CEP83: variants seen among roughly 807,000 people sequenced by gnomAD.
CEP83 encodes the protein centrosomal protein 83, also known as centrosomal protein of 83 kDa.
In CEP83, 70 loss-of-function variants were observed where a neutral mutation model predicts 101.9. The ratio of observed to expected loss-of-function variants is 0.69; its 90% CI spans 0.57 to 0.84. The LOEUF (loss-of-function observed/expected upper bound fraction) is 0.84, where lower values mean the gene tolerates loss of function less well. CEP83 is among the 40% of genes least tolerant of loss of function. The probability of loss-of-function intolerance (pLI) is 0.00; values close to 1 mark genes in which losing one functional copy is unlikely to be tolerated. For missense variants in CEP83, 715 were observed against 787.2 expected, an observed-to-expected ratio of 0.91 and a Z score of 1.10; for synonymous variants, 264 against 267.9, an observed-to-expected ratio of 0.99 and a Z score of 0.14.
chr12:94,398,556 T>C (rs936632873), intron 6 of CEP83, among the ~76,000 whole-genome samples: 3 of 152,202 alleles, frequency 2.0e-5, no homozygotes, highest in Admixed American at 2.0e-4. Context: ...ACTATAACTG[T>C]GTTAACTGTA....
intron 6 of CEP83, among the ~76,000 whole-genome samples, chr12:94,389,082 G>A (rs551175298): frequency 1.6e-4 from 24 of 152,246 alleles, no homozygotes; most frequent in Admixed American, 3.9e-4. Context: ...AGCCAAGATC[G>A]CGCCACTGCA....
intron 11 of CEP83, among the ~76,000 whole-genome samples, chr12:94,364,930 G>A (rs191190745): frequency 5.3e-5 from 8 of 152,224 alleles, no homozygotes; most frequent in African/African-American, 1.7e-4. Flanking sequence ...AAAAAGAAGT[G>A]AATTCCTCTT....
At chr12:94,408,664 C>T (rs1183790198) in intron 4 of CEP83, among the ~76,000 whole-genome samples, 1 of 152,064 alleles carries the variant, frequency 6.6e-6, no homozygotes, top group Non-Finnish European at 1.5e-5. Flanking sequence ...CCTGAAGCCT[C>T]AAACTCCTAG....
At chr12:94,313,631 G>A (rs947272211) in intron 14 of CEP83, among the ~76,000 whole-genome samples, 15 of 151,092 alleles carry the variant, frequency 9.9e-5, no homozygotes, top group Non-Finnish European at 1.9e-4. Context: ...AAGGTCAAGA[G>A]ATTGAGACCA....
downstream of CEP83, chr12:94,306,950 A>G (rs1323740447): frequency 6.6e-6 from 1 of 152,204 alleles, no homozygotes; most frequent in Admixed American, 6.6e-5. Context: ...GTCCCCATTG[A>G]AGGCTGCTAC....
At chr12:94,367,532 TAGACCAGAAGAA>T (rs1209728159) in intron 11 of CEP83, among the ~76,000 whole-genome samples, 1 of 152,188 alleles carries the variant, frequency 6.6e-6, no homozygotes, top group Non-Finnish European at 1.5e-5. Context: ...AATTGGGTTT[TAGACCAGAAGAA>T]AGACATCAGT....
chr12:94,365,833 A>T (rs1370811218), intron 11 of CEP83, among the ~76,000 whole-genome samples: 1 of 152,048 alleles, frequency 6.6e-6, no homozygotes, highest in Non-Finnish European at 1.5e-5. Context: ...CTATTTCACT[A>T]AACACTGATA....
intron 15 of CEP83, 77 bp downstream of exon 15, chr12:94,312,837 G>A (rs1970079076): frequency 5.7e-6 from 7 of 1,237,892 alleles, no homozygotes; most frequent in Non-Finnish European, 7.6e-6. Flanking sequence ...AAGAAAAGAA[G>A]GTACGTTATA....
intron 14 of CEP83, among the ~76,000 whole-genome samples, chr12:94,321,674 G>A (rs375230975): frequency 4.0e-5 from 6 of 151,762 alleles, no homozygotes; most frequent in East Asian, 3.9e-4. Context: ...TTGGGCATCC[G>A]TACCAGCCCC....
intron 11 of CEP83, among the ~76,000 whole-genome samples, chr12:94,347,068 T>TATATATACAC (rs561705061): frequency 4.1e-5 from 6 of 147,416 alleles, no homozygotes; most frequent in African/African-American, 9.9e-5. Context: ...TATATATATA[T>TATATATACAC]ACACATACAC....
chr12:94,277,516 C>T, the CEP83 span, among the ~76,000 whole-genome samples: 1 of 152,190 alleles, frequency 6.6e-6, no homozygotes, highest in East Asian at 1.9e-4. Context: ...TTGTTATGCC[C>T]TCTTTGCAGA....
intron 1 of CEP83, among the ~76,000 whole-genome samples, chr12:94,447,126 G>C (rs924736232): frequency 1.3e-5 from 2 of 152,172 alleles, no homozygotes; most frequent in African/African-American, 4.8e-5. Flanking sequence ...TTTTCAGATA[G>C]ATAACCAAAG....
the CEP83 span, among the ~76,000 whole-genome samples, chr12:94,294,215 T>G: frequency 6.6e-6 from 1 of 152,204 alleles, no homozygotes; most frequent in African/African-American, 2.4e-5. Flanking sequence ...CACAGGGTCC[T>G]GGCCTCCACC....
intron 6 of CEP83, among the ~76,000 whole-genome samples, chr12:94,389,366 C>G (rs2062369106): frequency 6.6e-6 from 1 of 152,016 alleles, no homozygotes; most frequent in Non-Finnish European, 1.5e-5. Context: ...ATACTAATAC[C>G]ATTAATTAAG....
chr12:94,379,156 G>T, intron 6 of CEP83, 114 bp from the exon 7 acceptor site: 1 of 912,294 alleles, frequency 1.1e-6, no homozygotes, highest in Non-Finnish European at 1.6e-6. Context: ...CTCAGGTGCT[G>T]AAACAAAGTA....
Position 94,376,684 on chromosome 12 carries a change from CAT to C in CEP83, c.802-669_802-668del, listed in dbSNP as rs201819101. Reference sequence around the variant, plus strand: ...ATGTCTATTCAACATAATATATATACATATATACACACACACACACACACACA... The same window carrying C: ...ATGTCTATTCAACATAATATATATACATATACACACACACACACACACACA... On this transcript the variant is annotated intron_variant, in intron 7 of 16. Coordinates refer to ENST00000397809, the MANE Select transcript of CEP83 (RefSeq NM_016122.3). 5.3e-3 allele frequency among the ~76,000 whole-genome samples: 705 copies of C among 133,544 alleles called. 4 individuals are homozygous for C. The highest frequency in any genetic ancestry group is 9.2e-3 in the African/African-American group (306 of 33,300). 87.6% of individuals were successfully genotyped at this position (133,544 alleles called of 152,430 possible).
downstream of CEP83, chr12:94,306,334 A>C (rs192925347): frequency 1.3e-5 from 2 of 152,304 alleles, no homozygotes; most frequent in African/African-American, 4.8e-5. Flanking sequence ...ATTAGTATAC[A>C]ACTTGGTATC....
intron 2 of CEP83, among the ~76,000 whole-genome samples, chr12:94,423,438 C>T (rs1361745685): frequency 1.3e-5 from 2 of 148,150 alleles, no homozygotes; most frequent in East Asian, 3.9e-4. Flanking sequence ...TGTAGCTGCA[C>T]CAGACCAATC....
At chr12:94,443,247 T>TTTGCTAGAGC (rs2066549444) in intron 1 of CEP83, among the ~76,000 whole-genome samples, 1 of 144,648 alleles carries the variant, frequency 6.9e-6, no homozygotes, top group Non-Finnish European at 1.6e-5. Flanking sequence ...TTACAGACCC[T>TTTGCTAGAGC]CAAACACATT....
Sources: allele counts gnomAD v4.1 joint callset (sites outside exome capture counted in the v4.1 genomes callset), GRCh38; gene constraint gnomAD v4.1.1; transcripts MANE v1.5; gene names NCBI Gene and HGNC (gene_info 2026-07-23, HGNC 2026-07-21).